The following WDR7 variants were observed in gnomAD, a reference collection of about 807,000 sequenced individuals.
WDR7 encodes WD repeat-containing protein 7.
In WDR7, 46 loss-of-function variants were observed where a neutral mutation model predicts 169.4. The ratio of observed to expected loss-of-function variants is 0.27; its 90% CI spans 0.21 to 0.35. WDR7 has a LOEUF of 0.35. Among genes scored for constraint, WDR7 ranks in the 10% least tolerant of loss-of-function variants. The pLI, the probability that WDR7 is intolerant of heterozygous loss-of-function variation, is 1.00. For missense variants in WDR7, 1,534 were observed against 1,859.3 expected, an observed-to-expected ratio of 0.83 and a Z score of 3.22; for synonymous variants, 612 against 666.8, an observed-to-expected ratio of 0.92 and a Z score of 1.27.
At position 56,707,073 on chromosome 18, in the gene WDR7, C is replaced by T. The variant is rs147442369; in HGVS notation, c.1578+10611C>T. Reference sequence around the variant, plus strand: ...CTCAGTTCACTGCAACCTCCATCTCCTGGTTCAAGCGATTCTCTTGCCTCA... The same window carrying T: ...CTCAGTTCACTGCAACCTCCATCTCTTGGTTCAAGCGATTCTCTTGCCTCA... On this transcript the variant is annotated intron_variant, in intron 12 of 27. Transcript: ENST00000254442. Among the ~76,000 whole-genome samples, 428 of 152,200 alleles carry T rather than the reference C, an allele frequency of 2.8e-3. 1 individual carries two copies. The highest frequency in any genetic ancestry group is 0.01 in the Middle Eastern group (3 of 294).
At chr18:56,898,716 A>T (rs2046362451) in intron 21 of WDR7, among the ~76,000 whole-genome samples, 1 of 152,108 alleles carries the variant, frequency 6.6e-6, no homozygotes, top group Non-Finnish European at 1.5e-5. Flanking sequence ...CATGTCAGGA[A>T]CTGTCACAGA....
At chr18:56,748,298 A>G (rs2043735920) in intron 14 of WDR7, among the ~76,000 whole-genome samples, 1 of 152,168 alleles carries the variant, frequency 6.6e-6, no homozygotes, top group Admixed American at 6.5e-5. Flanking sequence ...CAATGGAGGA[A>G]CACTCCTGGT....
At chr18:56,992,396 G>A (rs2047830866) in intron 26 of WDR7, among the ~76,000 whole-genome samples, 1 of 152,208 alleles carries the variant, frequency 6.6e-6, no homozygotes, top group African/African-American at 2.4e-5. Context: ...TCTCAAAAAT[G>A]ATAGGACCAG....
chr18:56,700,252 C>CTTTTTTTTTTTTTTTTTTTT (rs1226348026), intron 12 of WDR7, among the ~76,000 whole-genome samples: 33 of 67,248 alleles, frequency 4.9e-4, no homozygotes, highest in Non-Finnish European at 7.1e-4. Context: ...TTTTCATTTT[C>CTTTTTTTTTTTTTTTTTTTT]TTTTTTTTTT....
chr18:56,685,132 T>C (rs1483752489), intron 5 of WDR7, among the ~76,000 whole-genome samples: 2 of 152,216 alleles, frequency 1.3e-5, no homozygotes, highest in Non-Finnish European at 2.9e-5. Flanking sequence ...ATTGATAAGG[T>C]TTTTATTTAA....
At chr18:56,908,298 C>T (rs979186150) in intron 21 of WDR7, among the ~76,000 whole-genome samples, 12 of 152,288 alleles carry the variant, frequency 7.9e-5, no homozygotes, top group Admixed American at 6.5e-4. Flanking sequence ...TTTTTATGTG[C>T]TAATACATGT....
chr18:56,851,361 T>G (rs969169763), intron 20 of WDR7, among the ~76,000 whole-genome samples: 5 of 152,094 alleles, frequency 3.3e-5, no homozygotes, highest in African/African-American at 1.2e-4. Flanking sequence ...CCCAACTATC[T>G]CCTACTCATC....
At chr18:56,886,509 A>G (rs150510235) in intron 21 of WDR7, among the ~76,000 whole-genome samples, 326 of 152,340 alleles carry the variant, frequency 2.1e-3, no homozygotes, top group African/African-American at 7.5e-3. Context: ...TCCTTGAAAT[A>G]CACCAAAATA....
intron 13 of WDR7, among the ~76,000 whole-genome samples, 187 bp from the exon 14 acceptor site, chr18:56,731,196 G>A (rs965716647): frequency 2.0e-5 from 3 of 151,954 alleles, no homozygotes; most frequent in Non-Finnish European, 2.9e-5. Flanking sequence ...TTGTGGGAGA[G>A]GAATTCATTG....
intron 16 of WDR7, among the ~76,000 whole-genome samples, chr18:56,769,254 C>G (rs1025069123): frequency 6.6e-5 from 10 of 150,830 alleles, no homozygotes; most frequent in Admixed American, 3.3e-4. Flanking sequence ...GAGTCTCACT[C>G]TCTTGTCCAG....
intron 1 of WDR7, among the ~76,000 whole-genome samples, chr18:56,665,057 G>T (rs969715028): frequency 6.6e-5 from 10 of 152,238 alleles, no homozygotes; most frequent in African/African-American, 2.4e-4. Flanking sequence ...ACCTTGGGAG[G>T]TGAGGCGGGT....
intron 16 of WDR7, among the ~76,000 whole-genome samples, chr18:56,772,900 A>G (rs556091581): frequency 1.3e-5 from 2 of 152,236 alleles, no homozygotes; most frequent in African/African-American, 2.4e-5. Context: ...TTAATGATAT[A>G]GAAGTAAATG....
At chr18:56,988,630 T>TGTG (rs916393921) in intron 26 of WDR7, among the ~76,000 whole-genome samples, 4 of 148,408 alleles carry the variant, frequency 2.7e-5, no homozygotes, top group African/African-American at 9.8e-5. Context: ...TGTGTGTGTG[T>TGTG]GTGTGTATAG....
chr18:56,795,305 C>A (rs529010920), intron 19 of WDR7, among the ~76,000 whole-genome samples: 2 of 152,238 alleles, frequency 1.3e-5, no homozygotes, highest in Non-Finnish European at 2.9e-5. Context: ...AGACCTGAGT[C>A]AACTCATGTA....
intron 21 of WDR7, among the ~76,000 whole-genome samples, chr18:56,880,561 G>A (rs548359890): frequency 6.6e-6 from 1 of 152,198 alleles, no homozygotes; most frequent in South Asian, 2.1e-4. Context: ...CTTTTGAAAA[G>A]AAAATATATT....
intron 19 of WDR7, among the ~76,000 whole-genome samples, chr18:56,810,551 T>G (rs1343897861): frequency 6.6e-6 from 1 of 152,152 alleles, no homozygotes; most frequent in African/African-American, 2.4e-5. Flanking sequence ...ACATAAAGAA[T>G]ATAGTTTAAT....
At chr18:56,683,269 TAC>T (rs1447949728) in intron 5 of WDR7, among the ~76,000 whole-genome samples, 2 of 152,180 alleles carry the variant, frequency 1.3e-5, no homozygotes, top group African/African-American at 2.4e-5. Context: ...GGAGAGATTA[TAC>T]ACAGTTAAAT....
chr18:56,885,003 G>A (rs553583449), intron 21 of WDR7, among the ~76,000 whole-genome samples: 3 of 152,242 alleles, frequency 2.0e-5, no homozygotes, highest in South Asian at 2.1e-4. Context: ...CCCAGAGCCC[G>A]GTAGCTCTGC....
intron 26 of WDR7, among the ~76,000 whole-genome samples, chr18:56,964,911 C>T (rs1187620291): frequency 6.6e-6 from 1 of 152,128 alleles, no homozygotes; most frequent in Non-Finnish European, 1.5e-5. Context: ...TGACACTGAA[C>T]TCTTAAGCTA....
Sources: gnomAD v4.1 joint callset for allele counts (sites outside exome capture counted in the v4.1 genomes callset) on GRCh38, gnomAD v4.1.1 for gene constraint, MANE v1.5 for transcripts, NCBI Gene and HGNC (gene_info 2026-07-23, HGNC 2026-07-21) for gene names.